NBAS: variants seen among roughly 807,000 people sequenced by gnomAD.
NBAS encodes NAG/BC035112 fusion.
Under a neutral mutation model 302.5 loss-of-function variants are expected in NBAS, and 219 were observed. The ratio of observed to expected loss-of-function variants is 0.72; its 90% CI spans 0.65 to 0.81. NBAS has a LOEUF of 0.81. Ranked by LOEUF, NBAS falls within the 30% of genes least tolerant of loss-of-function variation. The pLI is 0.00. For synonymous variants in NBAS, 1,118 were observed against 1,021.6 expected, an observed-to-expected ratio of 1.09 and a Z score of -1.80; for missense variants, 2,932 against 2,841.6, an observed-to-expected ratio of 1.03 and a Z score of -0.72.
At chr2:14,976,931 T>C in the NBAS span, among the ~76,000 whole-genome samples, 1 of 152,142 alleles carries the variant, frequency 6.6e-6, no homozygotes, top group South Asian at 2.1e-4. Context: ...GCCTCCAGAA[T>C]AGTAAGAAAA....
intron 48 of NBAS, among the ~76,000 whole-genome samples, chr2:15,195,038 C>G (rs1420055800): frequency 6.6e-6 from 1 of 152,068 alleles, no homozygotes; most frequent in Non-Finnish European, 1.5e-5. Flanking sequence ...ATATAAAAAT[C>G]AATCACATTG....
the NBAS span, among the ~76,000 whole-genome samples, chr2:14,919,435 G>A: frequency 6.6e-6 from 1 of 152,088 alleles, no homozygotes; most frequent in African/African-American, 2.4e-5. Context: ...GATCAATTAG[G>A]GTGGTAGTTG....
At chr2:14,898,478 G>A in the NBAS span, among the ~76,000 whole-genome samples, 4 of 152,148 alleles carry the variant, frequency 2.6e-5, no homozygotes, top group South Asian at 2.1e-4. Flanking sequence ...TTTCTAAGCC[G>A]CATAGTAAGT....
intron 21 of NBAS, among the ~76,000 whole-genome samples, chr2:15,441,877 C>T (rs569526557): frequency 1.2e-4 from 18 of 151,470 alleles, no homozygotes; most frequent in African/African-American, 4.1e-4. Context: ...ATAAAACAGA[C>T]TTTAAACCAA....
At chr2:15,014,557 A>C in the NBAS span, among the ~76,000 whole-genome samples, 1 of 152,172 alleles carries the variant, frequency 6.6e-6, no homozygotes, top group Admixed American at 6.5e-5. Flanking sequence ...TTTAATATGA[A>C]AACTTAAAAT....
chr2:14,807,392 CATAGCTCTTT>C, the NBAS span, among the ~76,000 whole-genome samples: 362 of 152,036 alleles, frequency 2.4e-3, no homozygotes, highest in African/African-American at 7.9e-3. Context: ...AATAATTATC[CATAGCTCTTT>C]ATAGCTCTTT....
chr2:14,936,804 A>G, the NBAS span, among the ~76,000 whole-genome samples: 1 of 152,170 alleles, frequency 6.6e-6, no homozygotes, highest in Non-Finnish European at 1.5e-5. Flanking sequence ...CTGATCTTTG[A>G]TGAGGAATGG....
intron 9 of NBAS, among the ~76,000 whole-genome samples, chr2:15,521,406 C>T (rs538807630): frequency 2.6e-5 from 4 of 152,250 alleles, no homozygotes; most frequent in South Asian, 2.1e-4. Context: ...CTAGCTCTTA[C>T]GTTTTAATTC....
chr2:15,417,106 T>A lies in NBAS; in HGVS notation c.2763+421A>T, dbSNP rs555453309. Among the ~76,000 whole-genome samples the A allele has an allele frequency of 2.1e-3, 323 of 152,322 alleles. 3 individuals carry two copies. Among genetic ancestry groups the A allele is most frequent in the Non-Finnish European group, 3.4e-3 (231 of 68,034 alleles). ...TCTAAGAATTACTGGGAAAATTCTC[T>A]TAAACATACTAACCCTGAAGCCAAG... is the stretch of plus-strand genomic sequence containing the variant. On this transcript the variant is annotated intron_variant, in intron 24 of 51. Transcript: ENST00000281513.
At chr2:15,059,096 G>A in the NBAS span, among the ~76,000 whole-genome samples, 1 of 152,080 alleles carries the variant, frequency 6.6e-6, no homozygotes, top group Non-Finnish European at 1.5e-5. Flanking sequence ...TCTGATCCCT[G>A]GTCCTTGCAA....
the NBAS span, among the ~76,000 whole-genome samples, chr2:14,991,233 C>G: frequency 5.3e-5 from 8 of 152,002 alleles, no homozygotes; most frequent in East Asian, 1.9e-4. Flanking sequence ...AACCAACAAC[C>G]CTTTCTCCAT....
intron 1 of NBAS, among the ~76,000 whole-genome samples, chr2:15,560,078 C>T (rs1365735108): frequency 6.6e-6 from 1 of 152,096 alleles, no homozygotes; most frequent in African/African-American, 2.4e-5. Context: ...TGAGTCGTTT[C>T]TCCAGCAAAG....
intron 11 of NBAS, among the ~76,000 whole-genome samples, chr2:15,498,373 T>A (rs528151545): frequency 1.3e-5 from 2 of 152,242 alleles, no homozygotes; most frequent in Admixed American, 6.5e-5. Flanking sequence ...ATAAAAAAAA[T>A]ATTTATACAT....
At chr2:15,281,828 A>G (rs1264510286) in intron 42 of NBAS, among the ~76,000 whole-genome samples, 2 of 152,204 alleles carry the variant, frequency 1.3e-5, no homozygotes, top group African/African-American at 4.8e-5. Context: ...GTTTCTGACT[A>G]TTTGGAGAAA....
At chr2:15,469,212 T>C (rs1371507814) in intron 16 of NBAS, among the ~76,000 whole-genome samples, 3 of 152,220 alleles carry the variant, frequency 2.0e-5, no homozygotes, top group Non-Finnish European at 4.4e-5. Flanking sequence ...TCAGTTCTGC[T>C]CTGATCTTAG....
intron 38 of NBAS, among the ~76,000 whole-genome samples, chr2:15,324,924 G>T (rs772745341): frequency 4.6e-5 from 7 of 152,074 alleles, no homozygotes; most frequent in Non-Finnish European, 7.4e-5. Flanking sequence ...GCACTGTAAG[G>T]ATTCTATGAA....
chr2:15,218,708 G>A (rs577099711), intron 48 of NBAS, 65 bp downstream of exon 48: 11 of 1,606,102 alleles, frequency 6.8e-6, no homozygotes, highest in East Asian at 4.5e-5. Context: ...GATTACAGGC[G>A]TGAGCAACCG....
chr2:15,483,618 T>C (rs1168028076), intron 12 of NBAS, among the ~76,000 whole-genome samples: 1 of 152,222 alleles, frequency 6.6e-6, no homozygotes, highest in Non-Finnish European at 1.5e-5. Context: ...TGGATTTTCA[T>C]ATTGACAATG....
At chr2:15,450,326 T>C (rs1429916930) in intron 21 of NBAS, among the ~76,000 whole-genome samples, 1 of 152,190 alleles carries the variant, frequency 6.6e-6, no homozygotes, top group East Asian at 1.9e-4. Context: ...TGAAATACTT[T>C]GGATTAAATA....
Sources: allele counts gnomAD v4.1 joint callset (sites outside exome capture counted in the v4.1 genomes callset), GRCh38; gene constraint gnomAD v4.1.1; transcripts MANE v1.5; gene names NCBI Gene and HGNC (gene_info 2026-07-23, HGNC 2026-07-21).